The following MTX2 variants were observed in gnomAD, a reference collection of about 807,000 sequenced individuals.
MTX2 encodes metaxin-2.
Under a neutral mutation model 42.3 loss-of-function variants are expected in MTX2, and 35 were observed. The observed-to-expected ratio is 0.83, with a 90% confidence interval of 0.63 to 1.10. The LOEUF is 1.10. Among genes scored for constraint, MTX2 ranks in the 50% least tolerant of loss-of-function variants. MTX2 has a pLI of 0.00. For missense variants in MTX2, 307 were observed against 304.1 expected, an observed-to-expected ratio of 1.01 and a Z score of -0.07; for synonymous variants, 119 against 100.9, an observed-to-expected ratio of 1.18 and a Z score of -1.08.
chr2:176,286,562 T>C (rs1010855870), intron 1 of MTX2, among the ~76,000 whole-genome samples: 18 of 151,996 alleles, frequency 1.2e-4, no homozygotes, highest in Non-Finnish European at 1.8e-4. Context: ...TTTTTTTTTT[T>C]TTCTGAGATG....
Position 176,323,404 on chromosome 2 carries a change from A to C in MTX2, c.148A>C (p.Met50Leu). The C allele has an allele frequency of 1.2e-6, 2 of 1,611,108 alleles. No individual in the cohort carries two copies. Among genetic ancestry groups the C allele is most frequent in the Non-Finnish European group, 1.7e-6 (2 of 1,178,110 alleles). ...TCTTGATTTACAGGCCTTTTTGCAA[A>C]TGTGTAACTTGCCTATCAAAGTAGT... ...ASLAVQAFLQMCNLPIKVVCR... is the reference protein window; with the variant it reads ...ASLAVQAFLQLCNLPIKVVCR... Residue 50 changes from methionine to leucine, a missense_variant, in exon 4 of 10, where the codon ATG (methionine) becomes CTG (leucine). Transcript: ENST00000249442.
intron 3 of MTX2, among the ~76,000 whole-genome samples, chr2:176,322,631 A>G (rs929985743): frequency 6.6e-6 from 1 of 152,008 alleles, no homozygotes; most frequent in Non-Finnish European, 1.5e-5. Flanking sequence ...CTGGTGTCTT[A>G]AAAACATTTA....
intron 4 of MTX2, among the ~76,000 whole-genome samples, chr2:176,324,300 G>A (rs1265570899): frequency 2.0e-5 from 3 of 151,112 alleles, no homozygotes; most frequent in African/African-American, 7.3e-5. Context: ...TCCACCTTAA[G>A]TTTTTAAGGG....
At chr2:176,294,494 C>A (rs765853994) in intron 1 of MTX2, among the ~76,000 whole-genome samples, 17 of 152,092 alleles carry the variant, frequency 1.1e-4, no homozygotes, top group Non-Finnish European at 2.1e-4. Flanking sequence ...CCAGGCTGGT[C>A]TTGAACTCCT....
chr2:176,335,854 G>C (rs1684975622), intron 9 of MTX2, among the ~76,000 whole-genome samples: 2 of 152,086 alleles, frequency 1.3e-5, no homozygotes, highest in East Asian at 3.9e-4. Context: ...CATTGAAGTG[G>C]AGATGTTATG....
intron 1 of MTX2, among the ~76,000 whole-genome samples, chr2:176,290,886 CTT>C (rs1038362628): frequency 1.3e-5 from 2 of 151,842 alleles, no homozygotes; most frequent in African/African-American, 4.8e-5. Context: ...CTGGAAATCT[CTT>C]TCTATACAAT....
At chr2:176,299,251 A>G (rs1683967190) in intron 3 of MTX2, among the ~76,000 whole-genome samples, 1 of 152,114 alleles carries the variant, frequency 6.6e-6, no homozygotes, top group South Asian at 2.1e-4. Flanking sequence ...TCCCTGCACA[A>G]CAAAGAATTA....
At chr2:176,329,274 CT>C in intron 7 of MTX2, 26 bp from the exon 8 acceptor site, 1 of 1,563,682 alleles carries the variant, frequency 6.4e-7, no homozygotes, top group East Asian at 2.3e-5. Flanking sequence ...GAAGGATCAC[CT>C]TTTTTACAAA....
chr2:176,323,354 C>T, intron 3 of MTX2, 38 bp from the exon 4 acceptor site: 1 of 1,543,124 alleles, frequency 6.5e-7, no homozygotes, highest in Non-Finnish European at 8.9e-7. Flanking sequence ...TATGCATATG[C>T]TTTTTACTGG....
chr2:176,272,337 G>A (rs1692835684), intron 1 of MTX2, among the ~76,000 whole-genome samples: 1 of 152,034 alleles, frequency 6.6e-6, no homozygotes, highest in South Asian at 2.1e-4. Flanking sequence ...AAGTTTTAGT[G>A]ATCTATTGCA....
intron 9 of MTX2, among the ~76,000 whole-genome samples, chr2:176,332,886 TAATG>T (rs1172715210): frequency 6.6e-6 from 1 of 151,126 alleles, no homozygotes. Flanking sequence ...AAATGTGAAA[TAATG>T]AATAAGCAAA....
rs375670985 is a variant in MTX2, at chr2:176,329,459, A to G, written c.543+33A>G. 1.6e-4 allele frequency: 254 copies of G among 1,577,134 alleles called. 2 individuals carry two copies. In the African/African-American group the frequency reaches 3.2e-3, roughly 20 times the overall value. On this transcript the variant is annotated intron_variant, in intron 8 of 9. Coordinates refer to ENST00000249442, the MANE Select transcript of MTX2 (RefSeq NM_006554.5). The stretch of plus-strand genomic sequence containing the variant: ...CAGGTTGAAGTTGACAAAACCCTCA[A>G]CTTTTATGCATTAAAAGAATCATTC...
At chr2:176,273,362 A>G (rs1266959437) in intron 1 of MTX2, among the ~76,000 whole-genome samples, 9 of 152,224 alleles carry the variant, frequency 5.9e-5, no homozygotes, top group Admixed American at 5.2e-4. Context: ...AAATCCAGCA[A>G]CTATTCACAG....
At chr2:176,325,842 TAC>T (rs1204305547) in intron 4 of MTX2, among the ~76,000 whole-genome samples, 1 of 151,788 alleles carries the variant, frequency 6.6e-6, no homozygotes, top group Non-Finnish European at 1.5e-5. Flanking sequence ...ATCTTCTCAA[TAC>T]ATCTATTGAG....
chr2:176,323,422 A>C lies in MTX2; in HGVS notation c.166A>C (p.Lys56Gln), dbSNP rs1276141304. Residue 56 changes from lysine (K) to glutamine (Q), a missense_variant, in exon 4 of 10, where the codon AAA (lysine) becomes CAA (glutamine). Transcript: ENST00000249442. ...AFLQMCNLPI[K>Q]VVCRANAEYM... ...TTTGCAAATGTGTAACTTGCCTATC[A>C]AAGTAGTTTGTAGGGCAAATGCAGA... The C allele has an allele frequency of 1.9e-6, 3 of 1,611,346 alleles. No homozygotes were observed. The highest frequency in any genetic ancestry group is 2.5e-6 in the Non-Finnish European group (3 of 1,178,332).
intron 3 of MTX2, among the ~76,000 whole-genome samples, chr2:176,315,643 CAA>C (rs1270609185): frequency 3.3e-5 from 5 of 152,176 alleles, no homozygotes; most frequent in Admixed American, 6.5e-5. Context: ...CAGTAGAAGC[CAA>C]AGACTTCACA....
At chr2:176,282,126 G>GTTTTTTTGTTTTTTTTTTT (rs1693091383) in intron 1 of MTX2, among the ~76,000 whole-genome samples, 8 of 26,430 alleles carry the variant, frequency 3.0e-4, no homozygotes, top group Admixed American at 6.1e-4. Flanking sequence ...AGTTACAGTA[G>GTTTTTTTGTTTTTTTTTTT]TTTTTTTTTT....
intron 3 of MTX2, among the ~76,000 whole-genome samples, chr2:176,313,999 A>G (rs1056145413): frequency 2.0e-5 from 3 of 152,088 alleles, no homozygotes; most frequent in African/African-American, 7.2e-5. Context: ...TTTCCATTCA[A>G]CCACATTGAG....
intron 3 of MTX2, among the ~76,000 whole-genome samples, chr2:176,317,652 C>A (rs1446895661): frequency 2.0e-5 from 3 of 151,928 alleles, no homozygotes; most frequent in Non-Finnish European, 4.4e-5. Context: ...TTTTTTTTCT[C>A]CAGAGAGATA....
Sources: allele counts gnomAD v4.1 joint callset (sites outside exome capture counted in the v4.1 genomes callset), GRCh38; gene constraint gnomAD v4.1.1; transcripts MANE v1.5; gene names NCBI Gene and HGNC (gene_info 2026-07-23, HGNC 2026-07-21).